The following DMD variants were observed in gnomAD, a reference collection of about 807,000 sequenced individuals.
The protein encoded by DMD is mutant dystrophin.
Under a neutral mutation model 330.1 loss-of-function variants are expected in DMD, and 63 were observed. That is an observed-to-expected ratio of 0.19 (90% CI 0.16 to 0.24). The LOEUF (loss-of-function observed/expected upper bound fraction) is 0.24, where lower values mean the gene tolerates loss of function less well. DMD is among the 10% of genes least tolerant of loss of function. The probability of loss-of-function intolerance (pLI) is 1.00; values close to 1 mark genes in which losing one functional copy is unlikely to be tolerated. For missense variants in DMD, 3,344 were observed against 2,684.1 expected, an observed-to-expected ratio of 1.25 and a Z score of -5.43; for synonymous variants, 1,223 against 959.8, an observed-to-expected ratio of 1.27 and a Z score of -5.07.
Position 32,364,653 on chromosome X carries a change from T to G in DMD, c.5083A>C (p.Ile1695Leu), listed in dbSNP as rs1332766566. Residue 1695 changes from isoleucine to leucine, a missense_variant, in exon 36 of 79, where the codon ATC (isoleucine) becomes CTC (leucine). Transcript: ENST00000357033. ...TCCAAAAGTGTGTCAGCCTGAATGA[T>G]CCACTTTGTGATGTGGTCCACATTC... ...DQNVDHITKW[I>L]IQADTLLDES... is the part of the protein sequence containing the mutation. 2 of 1,207,930 alleles carry G rather than the reference T, an allele frequency of 1.7e-6. No individual in the cohort carries two copies. The highest frequency in any genetic ancestry group is 3.5e-5 in the African/African-American group (2 of 57,132).
At chrX:32,400,320 G>C (rs1179604253) in intron 30 of DMD, among the ~76,000 whole-genome samples, 2 of 111,337 alleles carry the variant, frequency 1.8e-5, no homozygotes, top group Admixed American at 1.9e-4. Flanking sequence ...ACTTGATCAT[G>C]GTGGATAAGC....
chrX:31,235,334 T>C (rs1236783884), intron 63 of DMD, among the ~76,000 whole-genome samples: 2 of 112,544 alleles, frequency 1.8e-5, no homozygotes, highest in African/African-American at 3.2e-5. Flanking sequence ...ACATAAGCCA[T>C]GTTACTCATG....
At chrX:32,545,900 T>A (rs228374) in intron 16 of DMD, among the ~76,000 whole-genome samples, 20 of 109,810 alleles carry the variant, frequency 1.8e-4, no homozygotes, top group African/African-American at 5.9e-4. Flanking sequence ...ACATAAAGTA[T>A]GTATTAGTCC....
chrX:31,588,642 C>T (rs757574108), intron 55 of DMD, among the ~76,000 whole-genome samples: 2 of 110,592 alleles, frequency 1.8e-5, no homozygotes, highest in Non-Finnish European at 3.8e-5. Flanking sequence ...ATGTACTCTT[C>T]CCTTGAGAAC....
intron 1 of DMD, among the ~76,000 whole-genome samples, chrX:33,208,710 A>C (rs773623209): frequency 9.0e-6 from 1 of 111,196 alleles, no homozygotes; most frequent in African/African-American, 3.2e-5. Flanking sequence ...ATAAATATAT[A>C]TACTCATACC....
chrX:31,377,973 T>C (rs1457451712), intron 60 of DMD, among the ~76,000 whole-genome samples: 2 of 110,744 alleles, frequency 1.8e-5, no homozygotes, highest in Non-Finnish European at 3.8e-5. Context: ...ACCTTGTGAC[T>C]CCCACTCCTG....
intron 30 of DMD, among the ~76,000 whole-genome samples, chrX:32,398,238 C>T (rs958696822): frequency 9.7e-6 from 1 of 103,074 alleles, no homozygotes; most frequent in African/African-American, 3.7e-5. Context: ...GAAATTCACA[C>T]AGCTTTGTAC....
At chrX:32,291,930 C>G (rs2097471989) in intron 42 of DMD, among the ~76,000 whole-genome samples, 1 of 111,769 alleles carries the variant, frequency 8.9e-6, no homozygotes, top group Non-Finnish European at 1.9e-5. Flanking sequence ...GCAAGCGTAC[C>G]TTGGAGTTTA....
At chrX:32,151,009 T>C (rs1603627210) in intron 44 of DMD, among the ~76,000 whole-genome samples, 2 of 111,254 alleles carry the variant, frequency 1.8e-5, no homozygotes, top group East Asian at 5.7e-4. Context: ...AGGGAGAATA[T>C]GATATATTTC....
intron 15 of DMD, among the ~76,000 whole-genome samples, chrX:32,569,143 C>A (rs949250935): frequency 1.8e-5 from 2 of 111,166 alleles, no homozygotes; most frequent in Admixed American, 9.6e-5. Flanking sequence ...GAGGAAGGTA[C>A]AGTCAATAAA....
intron 44 of DMD, among the ~76,000 whole-genome samples, chrX:32,033,653 G>GAAGAAAGA (rs1557081473): frequency 0.05 from 2,907 of 58,327 alleles, 72 homozygotes; most frequent in African/African-American, 0.061. Flanking sequence ...AAGAAAGAAA[G>GAAGAAAGA]AAGAAAGAAA....
intron 74 of DMD, among the ~76,000 whole-genome samples, chrX:31,164,457 T>A (rs186755400): frequency 1.3e-4 from 15 of 111,782 alleles, no homozygotes; most frequent in Admixed American, 1.2e-3. Flanking sequence ...TCCTGAATTA[T>A]CAGTCCCAGC....
At chrX:31,239,122 T>C (rs2048005618) in intron 63 of DMD, among the ~76,000 whole-genome samples, 1 of 112,104 alleles carries the variant, frequency 8.9e-6, no homozygotes, top group African/African-American at 3.2e-5. Context: ...CCACCATTTA[T>C]AACACATTTC....
At chrX:32,944,711 T>C (rs751331146) in intron 2 of DMD, among the ~76,000 whole-genome samples, 184 of 109,396 alleles carry the variant, frequency 1.7e-3, no homozygotes, top group African/African-American at 5.9e-3. Context: ...ATCAAGCGAT[T>C]CTCCTGCCGC....
At chrX:32,992,974 A>C (rs2093020239) in intron 2 of DMD, among the ~76,000 whole-genome samples, 1 of 110,921 alleles carries the variant, frequency 9.0e-6, no homozygotes, top group South Asian at 3.8e-4. Flanking sequence ...ATATGCAGTG[A>C]ATTTTACTAA....
Position 32,009,834 on chromosome X carries a change from T to G in DMD, c.6439-41320A>C, listed in dbSNP as rs186753002. 3.1e-3 allele frequency among the ~76,000 whole-genome samples: 345 copies of G among 112,023 alleles called. 3 individuals carry two copies. The highest frequency in any genetic ancestry group is 0.011 in the African/African-American group (332 of 30,860). ...ATTTGAAAGGTCACATATATTTATT[T>G]TACTTATCCAACCACATGGTGATAA... On this transcript the variant is annotated intron_variant, in intron 44 of 78. Coordinates refer to ENST00000357033, the MANE Select transcript of DMD (RefSeq NM_004006.3).
intron 9 of DMD, among the ~76,000 whole-genome samples, chrX:32,649,474 T>A (rs1012817139): frequency 6.9e-5 from 7 of 101,637 alleles, no homozygotes; most frequent in Admixed American, 5.8e-4. Context: ...GAGAAAGGCG[T>A]GAACCCGGGA....
At chrX:32,069,421 G>A (rs1453019778) in intron 44 of DMD, among the ~76,000 whole-genome samples, 1 of 111,450 alleles carries the variant, frequency 9.0e-6, no homozygotes, top group Non-Finnish European at 1.9e-5. Context: ...CATAATTATG[G>A]TAGAATTGAG....
intron 2 of DMD, among the ~76,000 whole-genome samples, chrX:32,966,986 T>C (rs2092183352): frequency 8.9e-6 from 1 of 112,041 alleles, no homozygotes; most frequent in African/African-American, 3.2e-5. Flanking sequence ...CACAGGTTCA[T>C]AATGCCACAG....
Sources: gnomAD v4.1 joint callset for allele counts (sites outside exome capture counted in the v4.1 genomes callset) on GRCh38, gnomAD v4.1.1 for gene constraint, MANE v1.5 for transcripts, NCBI Gene and HGNC (gene_info 2026-07-23, HGNC 2026-07-21) for gene names.